Variants in DCDC1 observed in about 807,000 individuals in gnomAD.
DCDC1 encodes the protein doublecortin domain containing 1.
DCDC1 carries 200 observed loss-of-function variants against 178.3 expected under a neutral mutation model. The observed-to-expected ratio is 1.12, with a 90% confidence interval of 1.00 to 1.26. The LOEUF is 1.26. DCDC1 is among the 50% of genes most tolerant of loss of function. The probability of loss-of-function intolerance (pLI) is 0.00; values close to 1 mark genes in which losing one functional copy is unlikely to be tolerated. For synonymous variants in DCDC1, 690 were observed against 604.8 expected, an observed-to-expected ratio of 1.14 and a Z score of -2.07; for missense variants, 1,983 against 1,749.2, an observed-to-expected ratio of 1.13 and a Z score of -2.38.
chr11:30,914,692 C>G (rs1161263632), intron 27 of DCDC1, among the ~76,000 whole-genome samples: 1 of 149,520 alleles, frequency 6.7e-6, no homozygotes, highest in Non-Finnish European at 1.5e-5. Flanking sequence ...CAGCATGGAC[C>G]TAACAGCCAT....
chr11:31,075,747 C>T (rs545948841), intron 18 of DCDC1, among the ~76,000 whole-genome samples: 2 of 152,342 alleles, frequency 1.3e-5, no homozygotes, highest in East Asian at 3.9e-4. Context: ...TCTGTTTTGG[C>T]TTATGCTGCT....
At chr11:31,108,487 C>T (rs1452127143) in intron 12 of DCDC1, among the ~76,000 whole-genome samples, 2 of 152,238 alleles carry the variant, frequency 1.3e-5, no homozygotes, top group South Asian at 2.1e-4. Flanking sequence ...TTTCAGAAAA[C>T]ATGTTATGCT....
intron 11 of DCDC1, among the ~76,000 whole-genome samples, chr11:31,113,562 A>G (rs1959336077): frequency 6.6e-6 from 1 of 150,820 alleles, no homozygotes; most frequent in African/African-American, 2.4e-5. Flanking sequence ...TCCTTGCAAT[A>G]GTTTGCTCAG....
intron 20 of DCDC1, among the ~76,000 whole-genome samples, chr11:31,049,701 GA>G (rs1311209209): frequency 3.9e-5 from 6 of 152,304 alleles, no homozygotes; most frequent in Admixed American, 6.5e-5. Flanking sequence ...GCGAAAGTGG[GA>G]AAGGGAGACC....
chr11:31,298,302 C>T (rs995641575), intron 6 of DCDC1, among the ~76,000 whole-genome samples: 20 of 152,158 alleles, frequency 1.3e-4, no homozygotes, highest in African/African-American at 4.8e-4. Context: ...TTACCTTATC[C>T]CCTCTAAATA....
intron 31 of DCDC1, chr11:30,904,291 A>G (rs751107980): frequency 6.5e-6 from 1 of 152,694 alleles, no homozygotes; most frequent in East Asian, 1.9e-4. Flanking sequence ...GAGGGAATAG[A>G]TATGTGCGCT....
chr11:31,090,761 A>G (rs1957776818), intron 17 of DCDC1, among the ~76,000 whole-genome samples: 1 of 152,202 alleles, frequency 6.6e-6, no homozygotes, highest in African/African-American at 2.4e-5. Flanking sequence ...GTAGTTGGTA[A>G]TGGCTTTTTA....
At chr11:30,894,161 C>T in intron 35 of DCDC1, 87 bp downstream of exon 35, 1 of 1,493,302 alleles carries the variant, frequency 6.7e-7, no homozygotes, top group South Asian at 1.4e-5. Context: ...AATATATTAA[C>T]AGTATCATTT....
chr11:31,307,082 T>C (rs1043606362), intron 4 of DCDC1, among the ~76,000 whole-genome samples: 1 of 152,124 alleles, frequency 6.6e-6, no homozygotes, highest in Non-Finnish European at 1.5e-5. Flanking sequence ...AGAAGAAGAG[T>C]AAATATTTTA....
intron 20 of DCDC1, among the ~76,000 whole-genome samples, chr11:31,003,436 A>G (rs891791987): frequency 6.6e-6 from 1 of 152,174 alleles, no homozygotes; most frequent in African/African-American, 2.4e-5. Flanking sequence ...GTAAGTACAA[A>G]CAAACACAGT....
intron 20 of DCDC1, among the ~76,000 whole-genome samples, chr11:30,981,330 T>C (rs1211596190): frequency 2.6e-5 from 4 of 152,120 alleles, no homozygotes; most frequent in East Asian, 3.9e-4. Flanking sequence ...ATGTACCCCA[T>C]GAATTAAAAT....
In DCDC1 at chr11:30,879,144, C is replaced by T. The variant is rs573459594; in HGVS notation, c.5234-433G>A. Among the ~76,000 whole-genome samples, 10 of 152,090 alleles carry T rather than the reference C, an allele frequency of 6.6e-5. No individual in the cohort carries two copies. In the South Asian group the frequency reaches 8.3e-4, roughly 13 times the overall value. ...AATCCAATTGATTTTTTAAAAAACC[C>T]GAAGTGATTCTTTGATGAATTTCAC... On this transcript the variant is annotated intron_variant, in intron 37 of 38. Coordinates refer to ENST00000684477, the MANE Select transcript of DCDC1 (RefSeq NM_001387274.1).
At chr11:31,236,958 A>C (rs2136845614) in intron 9 of DCDC1, among the ~76,000 whole-genome samples, 1 of 152,136 alleles carries the variant, frequency 6.6e-6, no homozygotes. Flanking sequence ...ATGTAGAACC[A>C]ATAAATTATT....
intron 1 of DCDC1, among the ~76,000 whole-genome samples, chr11:31,354,949 C>T (rs978541188): frequency 1.3e-5 from 2 of 150,758 alleles, no homozygotes; most frequent in African/African-American, 4.9e-5. Context: ...CTTTTTTTCC[C>T]TGTAGAGCTC....
intron 18 of DCDC1, among the ~76,000 whole-genome samples, chr11:31,069,048 T>C (rs1187663320): frequency 6.6e-6 from 1 of 152,050 alleles, no homozygotes; most frequent in African/African-American, 2.4e-5. Context: ...AGACAGGGTT[T>C]CACCGTGTTA....
intron 20 of DCDC1, among the ~76,000 whole-genome samples, chr11:31,040,434 C>T (rs934926889): frequency 4.6e-5 from 7 of 152,228 alleles, no homozygotes; most frequent in South Asian, 2.1e-4. Flanking sequence ...CCAGGAGATG[C>T]GCATGCTGCT....
intron 38 of DCDC1, among the ~76,000 whole-genome samples, chr11:30,877,109 C>T (rs557626689): frequency 6.6e-6 from 1 of 152,222 alleles, no homozygotes; most frequent in East Asian, 1.9e-4. Context: ...ATGTGCTTTG[C>T]TTTTAGTGGT....
At chr11:31,271,528 C>G (rs1447917818) in intron 7 of DCDC1, among the ~76,000 whole-genome samples, 1 of 152,196 alleles carries the variant, frequency 6.6e-6, no homozygotes, top group Non-Finnish European at 1.5e-5. Flanking sequence ...TTCCTTTCTT[C>G]CCATTCATTC....
intron 15 of DCDC1, among the ~76,000 whole-genome samples, 178 bp from the exon 16 acceptor site, chr11:31,094,362 T>TGTG (rs1958008324): frequency 6.6e-6 from 1 of 152,164 alleles, no homozygotes; most frequent in South Asian, 2.1e-4. Flanking sequence ...GAGCACCAAC[T>TGTG]CTATTATGCA....
Sources: gnomAD v4.1 joint callset for allele counts (sites outside exome capture counted in the v4.1 genomes callset) on GRCh38, gnomAD v4.1.1 for gene constraint, MANE v1.5 for transcripts, NCBI Gene and HGNC (gene_info 2026-07-23, HGNC 2026-07-21) for gene names.